GABRB1: variants seen among roughly 807,000 people sequenced by gnomAD.
GABRB1 encodes the protein gamma-aminobutyric acid receptor subunit beta-1.
In GABRB1, 17 loss-of-function variants were observed where a neutral mutation model predicts 51.6. That is an observed-to-expected ratio of 0.33 (90% confidence interval 0.23 to 0.49). The LOEUF is 0.49. Ranked by LOEUF, GABRB1 falls within the 20% of genes least tolerant of loss-of-function variation. The pLI is 0.99. For missense variants in GABRB1, 410 were observed against 600.6 expected, an observed-to-expected ratio of 0.68 and a Z score of 3.32; for synonymous variants, 247 against 218.9, an observed-to-expected ratio of 1.13 and a Z score of -1.14.
chr4:47,077,942 ATATATATTATATATT>A lies in GABRB1; in HGVS notation c.240+45460_240+45474del, dbSNP rs1314497946. On this transcript the variant is annotated intron_variant, in intron 3 of 8. Coordinates refer to ENST00000295454, the MANE Select transcript of GABRB1 (RefSeq NM_000812.4). Reference sequence around the variant, plus strand: ...ATATTTTATATATATTATATATTTTATATATATTATATATTTTATATATATATTTTATATATAATA... The same window carrying A: ...ATATTTTATATATATTATATATTTTATTATATATATATTTTATATATAATA... 2.3e-3 allele frequency among the ~76,000 whole-genome samples: 252 copies of A among 111,264 alleles called. 1 individual carries two copies. The highest frequency in any genetic ancestry group is 4.2e-3 in the Middle Eastern group (1 of 240). The allele number at this position is 111,264 out of a possible 152,430, so 73.0% of individuals were successfully genotyped here.
intron 5 of GABRB1, among the ~76,000 whole-genome samples, chr4:47,399,172 C>T (rs983960524): frequency 6.6e-6 from 1 of 152,116 alleles, no homozygotes; most frequent in Non-Finnish European, 1.5e-5. Flanking sequence ...ATTTTAGTGT[C>T]TGTATAAATA....
At chr4:47,278,078 G>T (rs1274659032) in intron 4 of GABRB1, among the ~76,000 whole-genome samples, 3 of 152,176 alleles carry the variant, frequency 2.0e-5, no homozygotes, top group African/African-American at 7.2e-5. Flanking sequence ...TATTTGGAGA[G>T]ACAAACTTTT....
chr4:47,141,542 T>C (rs1256820112), intron 3 of GABRB1, among the ~76,000 whole-genome samples: 2 of 151,982 alleles, frequency 1.3e-5, no homozygotes, highest in Non-Finnish European at 2.9e-5. Flanking sequence ...TTATGGACTA[T>C]GAAATTCATT....
At chr4:47,392,515 G>A (rs1297139820) in intron 5 of GABRB1, among the ~76,000 whole-genome samples, 2 of 151,982 alleles carry the variant, frequency 1.3e-5, no homozygotes, top group Non-Finnish European at 2.9e-5. Flanking sequence ...GCTAATTTTT[G>A]TATTTTTAGT....
At chr4:47,150,767 C>T (rs1027278657) in intron 3 of GABRB1, among the ~76,000 whole-genome samples, 2 of 151,486 alleles carry the variant, frequency 1.3e-5, no homozygotes, top group Non-Finnish European at 2.9e-5. Context: ...AAGCAATAAA[C>T]AGACAAAAAT....
At chr4:47,259,249 G>A (rs752733829) in intron 4 of GABRB1, among the ~76,000 whole-genome samples, 7 of 152,032 alleles carry the variant, frequency 4.6e-5, no homozygotes, top group African/African-American at 7.2e-5. Flanking sequence ...TGAGAATAAC[G>A]CACAGCTACC....
chr4:47,014,561 A>G (rs570712233), intron 1 of GABRB1, among the ~76,000 whole-genome samples: 1 of 152,132 alleles, frequency 6.6e-6, no homozygotes, highest in Non-Finnish European at 1.5e-5. Flanking sequence ...GCAATTGTCC[A>G]CTTCTGGGTT....
intron 8 of GABRB1, among the ~76,000 whole-genome samples, chr4:47,408,238 T>C (rs1452907017): frequency 2.6e-5 from 4 of 152,194 alleles, no homozygotes; most frequent in African/African-American, 9.7e-5. Context: ...GAGCTAACCA[T>C]GCCATGTCCA....
intron 4 of GABRB1, among the ~76,000 whole-genome samples, chr4:47,282,317 C>T (rs1363518835): frequency 1.3e-5 from 2 of 152,194 alleles, no homozygotes; most frequent in Non-Finnish European, 2.9e-5. Context: ...ACACAGCTCT[C>T]TCTGTTATAC....
intron 5 of GABRB1, among the ~76,000 whole-genome samples, chr4:47,354,903 ACCTGCCTGCCTGCCTGCCTG>A (rs55735490): frequency 3.1e-5 from 4 of 128,648 alleles, no homozygotes; most frequent in East Asian, 2.1e-4. Flanking sequence ...AGGCCTTCCT[ACCTGCCTGCCTGCCTGCCTG>A]CCTGCCTGCC....
At position 47,426,128 on chromosome 4, in the gene GABRB1, C is replaced by A; in HGVS notation, c.*110C>A. ...TTCTCGAGGTAAGAGATTCAGCCAT[C>A]CAATTGGTTTTAGGTCTTGCATATC... On this transcript the variant is annotated 3_prime_UTR_variant, in exon 9 of 9. Transcript: ENST00000295454. 1.1e-6 allele frequency: 1 copy of A among 911,384 alleles called. No individual in the cohort carries two copies. The highest frequency in any genetic ancestry group is 1.6e-6 in the Non-Finnish European group (1 of 606,978). The allele number at this position is 911,384 out of a possible 1,614,324, so 56.5% of individuals were successfully genotyped here. A position where few individuals can be genotyped will look rare whatever the true frequency, so the allele number is the denominator to read the frequency against.
At chr4:47,235,800 A>T (rs1037264940) in intron 4 of GABRB1, among the ~76,000 whole-genome samples, 3 of 152,122 alleles carry the variant, frequency 2.0e-5, no homozygotes, top group African/African-American at 7.2e-5. Flanking sequence ...AAAAATTTTT[A>T]AACGATTAAG....
chr4:47,296,953 ACT>A (rs1308971420), intron 4 of GABRB1, among the ~76,000 whole-genome samples: 1 of 152,108 alleles, frequency 6.6e-6, no homozygotes, highest in Non-Finnish European at 1.5e-5. Flanking sequence ...GAATTAAGAA[ACT>A]CACTCAAAAC....
intron 4 of GABRB1, among the ~76,000 whole-genome samples, chr4:47,253,725 A>T (rs1722077712): frequency 6.6e-6 from 1 of 152,254 alleles, no homozygotes; most frequent in African/African-American, 2.4e-5. Flanking sequence ...ATGATTCATT[A>T]AAGTTACCTA....
intron 4 of GABRB1, among the ~76,000 whole-genome samples, chr4:47,179,469 AGACACGTGC>A (rs1400891342): frequency 6.6e-6 from 1 of 152,102 alleles, no homozygotes; most frequent in Non-Finnish European, 1.5e-5. Context: ...TCTACTGTGA[AGACACGTGC>A]ACACGTATGT....
At chr4:47,203,957 A>G (rs1720011104) in intron 4 of GABRB1, among the ~76,000 whole-genome samples, 1 of 152,158 alleles carries the variant, frequency 6.6e-6, no homozygotes, top group Admixed American at 6.6e-5. Flanking sequence ...AAGAATAAAA[A>G]ATAAAACAGC....
chr4:47,139,730 T>C (rs1247076633), intron 3 of GABRB1, among the ~76,000 whole-genome samples: 1 of 152,028 alleles, frequency 6.6e-6, no homozygotes, highest in Non-Finnish European at 1.5e-5. Context: ...AATTCTCTAC[T>C]GTAGTGCTCT....
chr4:47,024,717 C>T (rs1045960770), intron 1 of GABRB1, among the ~76,000 whole-genome samples: 3 of 151,520 alleles, frequency 2.0e-5, no homozygotes, highest in Middle Eastern at 3.4e-3. Flanking sequence ...TATCCCATAC[C>T]ACCTTCTGAC....
intron 1 of GABRB1, among the ~76,000 whole-genome samples, chr4:47,006,300 A>G (rs1724396469): frequency 1.3e-5 from 2 of 152,100 alleles, no homozygotes; most frequent in African/African-American, 4.8e-5. Flanking sequence ...GGCTCTTGGG[A>G]AAGATATTTA....
Sources: allele counts gnomAD v4.1 joint callset (sites outside exome capture counted in the v4.1 genomes callset), GRCh38; gene constraint gnomAD v4.1.1; transcripts MANE v1.5; gene names NCBI Gene and HGNC (gene_info 2026-07-23, HGNC 2026-07-21).